The following GALNT17 variants were observed in gnomAD, a reference collection of about 807,000 sequenced individuals.
GALNT17 encodes UDP-GalNAc:polypeptide N-acetylgalactosaminyltransferase-like 3.
Under a neutral mutation model 63.7 loss-of-function variants are expected in GALNT17, and 29 were observed. That is an observed-to-expected ratio of 0.46 (90% CI 0.34 to 0.62). GALNT17 has a LOEUF of 0.62. GALNT17 is among the 20% of genes least tolerant of loss of function. The pLI is 0.01. For missense variants in GALNT17, 603 were observed against 799.6 expected (o/e 0.75, Z 2.97); for synonymous variants, 305 against 318.3 (o/e 0.96, Z 0.45).
intron 5 of GALNT17, among the ~76,000 whole-genome samples, chr7:71,478,020 A>T (rs1787752983): frequency 6.6e-6 from 1 of 152,250 alleles, no homozygotes; most frequent in South Asian, 2.1e-4. Flanking sequence ...TCTACCCTGT[A>T]CATGGCTGTG....
intron 5 of GALNT17, among the ~76,000 whole-genome samples, chr7:71,469,293 G>A (rs550311823): frequency 2.0e-4 from 31 of 152,306 alleles, no homozygotes; most frequent in African/African-American, 6.5e-4. Context: ...CTGTGTCACC[G>A]TGTGCAAGTT....
intron 5 of GALNT17, among the ~76,000 whole-genome samples, chr7:71,522,054 C>T (rs1788539258): frequency 6.6e-6 from 1 of 152,104 alleles, no homozygotes; most frequent in Admixed American, 6.5e-5. Flanking sequence ...AGCGATGAGA[C>T]CGAGAACAAA....
chr7:71,592,496 A>AAAAATAAAATAAAATAAAAT (rs374557191), intron 6 of GALNT17, among the ~76,000 whole-genome samples: 103 of 90,976 alleles, frequency 1.1e-3, no homozygotes, highest in African/African-American at 3.8e-3. Flanking sequence ...ACTCCATTTC[A>AAAAATAAAATAAAATAAAAT]AAAATAAAAT....
chr7:71,665,615 T>C lies in GALNT17; in HGVS notation c.1266+19T>C. ...GCTGGAGGTAGGGATCACCAGCCTT[T>C]CCCCACCACCCCAGTACAGTGATCC... On this transcript the variant is annotated intron_variant, in intron 7 of 10. Coordinates refer to ENST00000333538, the MANE Select transcript of GALNT17 (RefSeq NM_022479.3). 1 of 1,610,422 alleles carries C rather than the reference T, an allele frequency of 6.2e-7. No individual in the cohort carries two copies. Among genetic ancestry groups the C allele is most frequent in the Non-Finnish European group, 8.5e-7 (1 of 1,178,726 alleles).
intron 6 of GALNT17, among the ~76,000 whole-genome samples, chr7:71,576,471 G>C (rs1038026139): frequency 5.3e-5 from 8 of 151,878 alleles, no homozygotes; most frequent in African/African-American, 1.4e-4. Flanking sequence ...ATTCCCACCA[G>C]CAGTGTACAA....
At chr7:71,655,852 C>T (rs890561213) in intron 6 of GALNT17, among the ~76,000 whole-genome samples, 3 of 152,048 alleles carry the variant, frequency 2.0e-5, no homozygotes, top group Non-Finnish European at 4.4e-5. Flanking sequence ...GTGGGAAGAG[C>T]GTTTGGGAAG....
chr7:71,135,684 A>G (rs1248460639), intron 1 of GALNT17, among the ~76,000 whole-genome samples: 2 of 152,240 alleles, frequency 1.3e-5, no homozygotes, highest in Non-Finnish European at 2.9e-5. Context: ...AACTTGGGAC[A>G]GGGCCCTCGA....
At position 71,439,120 on chromosome 7, in the gene GALNT17, C is replaced by G. The variant is rs867669488; in HGVS notation, c.962+18015C>G. Among the ~76,000 whole-genome samples the G allele has an allele frequency of 5.9e-5, 9 of 152,208 alleles. No homozygotes were observed. In the South Asian group the frequency reaches 1.9e-3, roughly 32 times the overall value. ...CCCTGGCTGGCCTCAAACTCCTGGCCTCAAGTGATCCTCCCACCTCGGCCT... is the reference window on the plus strand; with the variant it reads ...CCCTGGCTGGCCTCAAACTCCTGGCGTCAAGTGATCCTCCCACCTCGGCCT... On this transcript the variant is annotated intron_variant, in intron 5 of 10. Coordinates refer to ENST00000333538, the MANE Select transcript of GALNT17 (RefSeq NM_022479.3).
intron 5 of GALNT17, among the ~76,000 whole-genome samples, chr7:71,466,114 C>T (rs1787530862): frequency 6.6e-6 from 1 of 152,176 alleles, no homozygotes; most frequent in Non-Finnish European, 1.5e-5. Flanking sequence ...TGTCAGCTGA[C>T]CCTGCAGTGG....
intron 6 of GALNT17, among the ~76,000 whole-genome samples, chr7:71,649,960 G>A (rs986183322): frequency 2.6e-5 from 4 of 152,200 alleles, no homozygotes; most frequent in Non-Finnish European, 5.9e-5. Flanking sequence ...ATGCCTGGCT[G>A]GCTGCATCAT....
intron 9 of GALNT17, among the ~76,000 whole-genome samples, chr7:71,689,749 G>C (rs1791413600): frequency 6.6e-6 from 1 of 152,216 alleles, no homozygotes; most frequent in African/African-American, 2.4e-5. Flanking sequence ...AGACAGAACA[G>C]CCTTCTATTA....
chr7:71,712,166 T>C lies in GALNT17; in HGVS notation c.*20T>C, dbSNP rs1302750256. On this transcript the variant is annotated 3_prime_UTR_variant, in exon 11 of 11. Coordinates refer to ENST00000333538, the MANE Select transcript of GALNT17 (RefSeq NM_022479.3). ...AAGTAGAGGGAGGGAGCTGGGGCAC[T>C]GGAGCCTGGCCCCCAGGACATGGCT... is the stretch of plus-strand genomic sequence containing the variant. The C allele has an allele frequency of 1.2e-6, 2 of 1,607,130 alleles. No homozygotes were observed. The highest frequency in any genetic ancestry group is 1.3e-5 in the African/African-American group (1 of 74,792).
At chr7:71,470,065 C>T (rs1245869406) in intron 5 of GALNT17, among the ~76,000 whole-genome samples, 3 of 152,058 alleles carry the variant, frequency 2.0e-5, no homozygotes, top group East Asian at 1.9e-4. Flanking sequence ...AAAACGTAGC[C>T]GTGCATGGTG....
intron 1 of GALNT17, among the ~76,000 whole-genome samples, chr7:71,227,050 A>G (rs1789692430): frequency 6.6e-6 from 1 of 151,512 alleles, no homozygotes; most frequent in African/African-American, 2.4e-5. Context: ...TAAAGCATTC[A>G]GAAGATGCTG....
chr7:71,541,637 G>T (rs143295256), intron 5 of GALNT17, among the ~76,000 whole-genome samples: 1 of 152,006 alleles, frequency 6.6e-6, no homozygotes, highest in African/African-American at 2.4e-5. Context: ...CTCTGCCCCC[G>T]GCTTCACCTC....
chr7:71,675,162 G>A (rs999099433), intron 8 of GALNT17, among the ~76,000 whole-genome samples: 2 of 151,838 alleles, frequency 1.3e-5, no homozygotes, highest in Non-Finnish European at 2.9e-5. Flanking sequence ...CCAGCCTGGT[G>A]ACAGAGCAAG....
chr7:71,512,746 G>A (rs544957409), intron 5 of GALNT17, among the ~76,000 whole-genome samples: 1 of 152,310 alleles, frequency 6.6e-6, no homozygotes, highest in African/African-American at 2.4e-5. Flanking sequence ...CCTAGGCATT[G>A]TTCCCTCTCT....
intron 1 of GALNT17, among the ~76,000 whole-genome samples, chr7:71,222,273 G>T (rs1196748336): frequency 6.6e-6 from 1 of 151,880 alleles, no homozygotes; most frequent in South Asian, 2.1e-4. Context: ...CCAATCCAGG[G>T]TCCCATATTG....
chr7:71,397,701 G>A (rs1793163615), intron 3 of GALNT17, among the ~76,000 whole-genome samples: 1 of 152,132 alleles, frequency 6.6e-6, no homozygotes, highest in South Asian at 2.1e-4. Context: ...CTGTCTTCTT[G>A]TGGACTCTCT....
Sources: gnomAD v4.1 joint callset for allele counts (sites outside exome capture counted in the v4.1 genomes callset) on GRCh38, gnomAD v4.1.1 for gene constraint, MANE v1.5 for transcripts, NCBI Gene and HGNC (gene_info 2026-07-23, HGNC 2026-07-21) for gene names.